Variants in NAV1 observed in about 807,000 individuals in gnomAD.
The protein encoded by NAV1 is neuron navigator 1.
Under a neutral mutation model 175.2 loss-of-function variants are expected in NAV1, and 18 were observed. The observed-to-expected ratio is 0.10, with a 90% CI of 0.07 to 0.15. The LOEUF (loss-of-function observed/expected upper bound fraction) is 0.15. Among genes scored for constraint, NAV1 ranks in the 10% least tolerant of loss-of-function variants. NAV1 has a pLI of 1.00. For synonymous variants in NAV1, 897 were observed against 978.7 expected (o/e 0.92, Z 1.56); for missense variants, 1,731 against 2,436.6 (o/e 0.71, Z 6.10).
At chr1:201,635,691 A>G (rs1243469683) in intron 2 of NAV1, among the ~76,000 whole-genome samples, 3 of 152,150 alleles carry the variant, frequency 2.0e-5, no homozygotes, top group Non-Finnish European at 4.4e-5. Flanking sequence ...TAGTTTTCCT[A>G]GAGAATTACC....
chr1:201,549,946 G>T (rs543722430), intron 1 of NAV1, among the ~76,000 whole-genome samples: 10 of 141,174 alleles, frequency 7.1e-5, no homozygotes, highest in African/African-American at 2.6e-4. Context: ...AGGAGGCGGA[G>T]CTTACAGTGA....
chr1:201,556,980 C>G (rs1414749801), intron 1 of NAV1, among the ~76,000 whole-genome samples: 1 of 152,160 alleles, frequency 6.6e-6, no homozygotes, highest in Non-Finnish European at 1.5e-5. Flanking sequence ...GATGAGTCAG[C>G]CAGGGTCCCG....
intron 15 of NAV1, 21 bp from the exon 20 acceptor site, chr1:201,803,572 C>G: frequency 1.2e-6 from 2 of 1,608,838 alleles, no homozygotes; most frequent in Non-Finnish European, 1.7e-6. Context: ...CTATGTTTTT[C>G]CCACTTGTAC....
At chr1:201,754,382 C>T (rs928032274) in intron 3 of NAV1, among the ~76,000 whole-genome samples, 14 of 152,204 alleles carry the variant, frequency 9.2e-5, no homozygotes, top group African/African-American at 2.9e-4. Context: ...ATGCTGTCAC[C>T]GAGGCTAACA....
At chr1:201,698,492 A>T (rs1165073529) in intron 1 of NAV1, among the ~76,000 whole-genome samples, 1 of 152,210 alleles carries the variant, frequency 6.6e-6, no homozygotes, top group Non-Finnish European at 1.5e-5. Context: ...AGAGGCGGTG[A>T]TGTTCACTCA....
intron 2 of NAV1, among the ~76,000 whole-genome samples, chr1:201,716,431 G>A (rs1672142244): frequency 6.6e-6 from 1 of 152,222 alleles, no homozygotes. Flanking sequence ...TGGTGAGTGA[G>A]CAAGGCAGAC....
At chr1:201,549,108 TTTCTTTCTTTCTTTC>T in intron 1 of NAV1, among the ~76,000 whole-genome samples, 1 of 146,192 alleles carries the variant, frequency 6.8e-6, no homozygotes, top group South Asian at 2.2e-4. Flanking sequence ...TCTTTCTTTC[TTTCTTTCTTTCTTTC>T]TTTCTTTCTT....
intron 1 of NAV1, among the ~76,000 whole-genome samples, chr1:201,699,150 G>T (rs1558077138): frequency 2.0e-5 from 3 of 152,200 alleles, no homozygotes; most frequent in Admixed American, 2.0e-4. Flanking sequence ...AAGTCAAATT[G>T]CCCCTGTTTG....
At chr1:201,767,358 G>A (rs1267530821) in intron 3 of NAV1, among the ~76,000 whole-genome samples, 1 of 151,846 alleles carries the variant, frequency 6.6e-6, no homozygotes, top group African/African-American at 2.4e-5. Flanking sequence ...GGCTGAGGCA[G>A]GAGAATTGTT....
intron 1 of NAV1, among the ~76,000 whole-genome samples, chr1:201,571,945 G>A (rs1270638185): frequency 6.6e-6 from 1 of 152,016 alleles, no homozygotes; most frequent in Non-Finnish European, 1.5e-5. Context: ...TAGCGGAAAG[G>A]GGAATACCTA....
intron 1 of NAV1, among the ~76,000 whole-genome samples, chr1:201,665,506 G>C (rs1232085453): frequency 6.6e-6 from 1 of 152,058 alleles, no homozygotes; most frequent in Non-Finnish European, 1.5e-5. Context: ...GAAACCACTA[G>C]ATGCAGAATA....
At chr1:201,695,240 C>T (rs1671141138) in intron 1 of NAV1, among the ~76,000 whole-genome samples, 4 of 152,218 alleles carry the variant, frequency 2.6e-5, no homozygotes, top group Admixed American at 2.6e-4. Context: ...ATGCTCTCCC[C>T]ATGCCTGCTC....
upstream of NAV1, among the ~76,000 whole-genome samples, chr1:201,618,892 G>A (rs534524815): frequency 9.2e-4 from 140 of 152,260 alleles, no homozygotes; most frequent in Non-Finnish European, 1.7e-3. Context: ...TTCTCACTCC[G>A]AAGGCAAACC....
intron 2 of NAV1, among the ~76,000 whole-genome samples, chr1:201,599,413 G>A (rs1358646799): frequency 6.6e-6 from 1 of 152,120 alleles, no homozygotes; most frequent in Admixed American, 6.6e-5. Flanking sequence ...CTCCTTGGAC[G>A]GCCCCTTCCA....
chr1:201,629,276 C>T (rs1019033416), intron 1 of NAV1, 128 bp from the exon 4 acceptor site: 4 of 487,638 alleles, frequency 8.2e-6, no homozygotes, highest in Non-Finnish European at 1.3e-5. Context: ...GAGGGGCTGG[C>T]CCTGAGTGGT....
In NAV1 at chr1:201,648,609, CT is replaced by C. The variant is rs1452185742; in HGVS notation, c.-59del. 1.8e-4 allele frequency: 229 copies of C among 1,286,904 alleles called. 2 individuals carry two copies. The East Asian group carries it at 7.1e-3, about 40-fold the overall frequency. 79.7% of individuals were successfully genotyped at this position (1,286,904 alleles called of 1,614,324 possible). A position where few individuals can be genotyped will look rare whatever the true frequency, so the allele number is the denominator to read the frequency against. ...CCTCCTCCTCCTGCGCTCCCGCCCC[CT>C]GCCCCCTCCCCCCGTGCCTGCAGAC... On this transcript the variant is annotated 5_prime_UTR_variant, in exon 1 of 30. Coordinates refer to ENST00000367296, the Ensembl canonical transcript of NAV1.
intron 2 of NAV1, among the ~76,000 whole-genome samples, chr1:201,641,046 GC>G (rs1668739548): frequency 6.6e-6 from 1 of 152,148 alleles, no homozygotes; most frequent in Non-Finnish European, 1.5e-5. Context: ...GGCGGATTTG[GC>G]CTCAAGCGGG....
At chr1:201,636,965 G>A (rs567630510) in intron 2 of NAV1, among the ~76,000 whole-genome samples, 1 of 152,214 alleles carries the variant, frequency 6.6e-6, no homozygotes, top group Non-Finnish European at 1.5e-5. Flanking sequence ...TCTCATCATG[G>A]CATTGGAACT....
At chr1:201,620,609 C>T (rs1390687253), upstream of NAV1, among the ~76,000 whole-genome samples, 1 of 151,664 alleles carries the variant, frequency 6.6e-6, no homozygotes, top group African/African-American at 2.4e-5. Flanking sequence ...CAGGCATGTG[C>T]CACCACGCCC....
Sources: gnomAD v4.1 joint callset for allele counts (sites outside exome capture counted in the v4.1 genomes callset) on GRCh38, gnomAD v4.1.1 for gene constraint, MANE v1.5 for transcripts, NCBI Gene and HGNC (gene_info 2026-07-23, HGNC 2026-07-21) for gene names.